The following PRR19 variants were observed in gnomAD, a reference collection of about 807,000 sequenced individuals.
PRR19 encodes proline-rich protein 19.
Under a neutral mutation model 19.2 loss-of-function variants are expected in PRR19, and 9 were observed. The ratio of observed to expected loss-of-function variants is 0.47; its 90% CI spans 0.28 to 0.82. PRR19 has a LOEUF of 0.82. Ranked by LOEUF, PRR19 falls within the 40% of genes least tolerant of loss-of-function variation. The probability of loss-of-function intolerance (pLI) is 0.11; values close to 1 mark genes in which losing one functional copy is unlikely to be tolerated. For synonymous variants in PRR19, 190 were observed against 191.0 expected (o/e 0.99, Z 0.04); for missense variants, 457 against 466.0 (o/e 0.98, Z 0.18).
intron 1 of PRR19, 68 bp downstream of exon 1, chr19:42,302,571 G>T (rs1042678504): frequency 6.4e-5 from 28 of 439,010 alleles, no homozygotes; most frequent in Non-Finnish European, 1.0e-4. Flanking sequence ...GGCGCTTCCC[G>T]CTCGGGCCGC....
chr19:42,309,986 C>G lies in PRR19; in HGVS notation c.402C>G (p.Gly134=). 6.2e-7 allele frequency: 1 copy of G among 1,613,982 alleles called. No individual in the cohort carries two copies. Among genetic ancestry groups the G allele is most frequent in the East Asian group, 2.2e-5 (1 of 44,890 alleles). The change falls in exon 2 of 3, where the codon GGC becomes GGG. Residue 134 remains glycine (G), a synonymous_variant. Transcript: ENST00000341747. ...AGGTGCCTGGAGGTTCGGGCCCAGG[C>G]CCACCCAGTTCCCCAGAGTTGTCTG... is the stretch of plus-strand genomic sequence containing the variant. ...ENQVPGGSGP[G]PPSSPELSGV...
At chr19:42,304,815 G>A (rs1231450814) in intron 1 of PRR19, among the ~76,000 whole-genome samples, 1 of 151,884 alleles carries the variant, frequency 6.6e-6, no homozygotes, top group African/African-American at 2.4e-5. Flanking sequence ...GGCTGAGGCA[G>A]GAGGATAGCT....
At chr19:42,305,890 G>C (rs1337270969) in intron 1 of PRR19, among the ~76,000 whole-genome samples, 1 of 151,868 alleles carries the variant, frequency 6.6e-6, no homozygotes, top group Non-Finnish European at 1.5e-5. Flanking sequence ...ACTTTTTTTT[G>C]AGATGGAGTC....
rs182811574 is a variant in PRR19, at chr19:42,307,415, C to T, written c.-6-2164C>T. On this transcript the variant is annotated intron_variant, in intron 1 of 2. Coordinates refer to ENST00000341747, the MANE Select transcript of PRR19 (RefSeq NM_199285.3). ...TCCAATCTCATGACCCCTTCACCACCCTCCATCTTTTGTTGTTGTTGTTGT... is the reference window on the plus strand; with the variant it reads ...TCCAATCTCATGACCCCTTCACCACTCTCCATCTTTTGTTGTTGTTGTTGT... 5.6e-4 allele frequency among the ~76,000 whole-genome samples: 85 copies of T among 151,250 alleles called. 1 individual carries two copies. The highest frequency in any genetic ancestry group is 2.0e-3 in the African/African-American group (81 of 41,042).
intron 1 of PRR19, chr19:42,303,443 A>G (rs767330233): frequency 4.6e-5 from 7 of 151,902 alleles, no homozygotes; most frequent in African/African-American, 4.8e-5. Context: ...CTCTCCCCCA[A>G]CGCTGCCCCA....
intron 1 of PRR19, among the ~76,000 whole-genome samples, chr19:42,304,398 C>T (rs1437455523): frequency 1.4e-5 from 2 of 144,044 alleles, no homozygotes; most frequent in Admixed American, 7.0e-5. Flanking sequence ...GTGCGAGGAT[C>T]GCTTGAACCC....
Position 42,310,691 on chromosome 19 carries a change from C to T in PRR19, c.1022C>T (p.Ala341Val). The T allele has an allele frequency of 6.3e-7, 1 of 1,595,646 alleles. No individual in the cohort carries two copies. Among genetic ancestry groups the T allele is most frequent in the African/African-American group, 1.3e-5 (1 of 74,682 alleles). ...CTGCCCAGCCTCTCCTGGGTAGTAGCCCAGAGCAGTCCGGAAGCCTGGTCT... is the reference window on the plus strand; with the variant it reads ...CTGCCCAGCCTCTCCTGGGTAGTAGTCCAGAGCAGTCCGGAAGCCTGGTCT... ...SPLPSLSWVVAQSSPEAWSFP... is the reference protein window; with the variant it reads ...SPLPSLSWVVVQSSPEAWSFP... The change falls in exon 3 of 3, where the codon GCC (alanine) becomes GTC (valine). Residue 341 changes from alanine to valine, a missense_variant. Coordinates refer to ENST00000341747, the MANE Select transcript of PRR19 (RefSeq NM_199285.3).
Position 42,310,561 on chromosome 19 carries a change from C to A in PRR19, c.892C>A (p.Pro298Thr), listed in dbSNP as rs1294065307. ...SIWLVATPPP[P>T]RPWGVGLPQP... ...CTGGCTGGTAGCCACGCCACCCCCT[C>A]CTCGGCCCTGGGGGGTTGGCCTCCC... Residue 298 changes from proline (P) to threonine (T), a missense_variant, in exon 3 of 3, where the codon CCT becomes ACT. Transcript: ENST00000341747. 3.7e-6 allele frequency: 6 copies of A among 1,614,182 alleles called. No homozygotes were observed. The highest frequency in any genetic ancestry group is 5.1e-6 in the Non-Finnish European group (6 of 1,180,032).
intron 1 of PRR19, among the ~76,000 whole-genome samples, chr19:42,302,936 G>A (rs1437098563): frequency 6.6e-6 from 1 of 151,498 alleles, no homozygotes; most frequent in Non-Finnish European, 1.5e-5. Context: ...CTACTGATGT[G>A]GGGGACAGAA....
At chr19:42,305,664 G>C (rs1462689429) in intron 1 of PRR19, among the ~76,000 whole-genome samples, 3 of 152,128 alleles carry the variant, frequency 2.0e-5, no homozygotes, top group Non-Finnish European at 4.4e-5. Context: ...AAGCTTCCAG[G>C]CATTCTTCAT....
At chr19:42,309,480 A>G in intron 1 of PRR19, 99 bp from the exon 2 acceptor site, 1 of 889,426 alleles carries the variant, frequency 1.1e-6, no homozygotes, top group Non-Finnish European at 1.7e-6. Flanking sequence ...CAGTGTTGGT[A>G]TTACAGGCAT....
rs2038776213 is a variant in PRR19, at chr19:42,310,312, T to C, written c.643T>C (p.Trp215Arg). 6.2e-7 allele frequency: 1 copy of C among 1,614,108 alleles called. No homozygotes were observed. The highest frequency in any genetic ancestry group is 8.5e-7 in the Non-Finnish European group (1 of 1,180,002). ...GVSERKMTPF[W>R]INSPDQVPEQ... ...CTCTGAGAGAAAGATGACACCCTTC[T>C]GGATTAATAGCCCTGATCAAGTCCC... The change falls in exon 3 of 3, where the codon TGG becomes CGG. Residue 215 changes from tryptophan (W) to arginine (R), a missense_variant. Coordinates refer to ENST00000341747, the MANE Select transcript of PRR19 (RefSeq NM_199285.3).
Position 42,302,448 on chromosome 19 carries a change from G to A in PRR19, c.-62G>A, listed in dbSNP as rs550086183. On this transcript the variant is annotated 5_prime_UTR_variant, in exon 1 of 3. Transcript: ENST00000341747. ...CAACGCTAGCACACCCGCGGAGGAC[G>A]AAGGCCGATACAGGGCGCCGCCTCC... 3 of 727,836 alleles carry A rather than the reference G, an allele frequency of 4.1e-6. No individual in the cohort carries two copies. The highest frequency in any genetic ancestry group is 2.2e-6 in the Non-Finnish European group (1 of 451,744). The allele number at this position is 727,836 out of a possible 1,614,324, so 45.1% of individuals were successfully genotyped here. A position where few individuals can be genotyped will look rare whatever the true frequency, so the allele number is the denominator to read the frequency against.
intron 1 of PRR19, among the ~76,000 whole-genome samples, chr19:42,307,903 G>A (rs2038731966): frequency 6.6e-6 from 1 of 151,544 alleles, no homozygotes; most frequent in African/African-American, 2.4e-5. Flanking sequence ...GACTACAGGC[G>A]CCCGCCACCG....
rs779307269 is a variant in PRR19, at chr19:42,309,681, C to G, written c.97C>G (p.Leu33Val). 1.2e-6 allele frequency: 2 copies of G among 1,602,214 alleles called. No homozygotes were observed. The highest frequency in any genetic ancestry group is 2.2e-5 in the South Asian group (2 of 90,228). The change falls in exon 2 of 3, where the codon CTG (leucine) becomes GTG (valine). Residue 33 changes from leucine (L) to valine (V), a missense_variant. Transcript: ENST00000341747. ...RKTRRERNKA[L>V]VGSRRPLAHH... ...GACTAGGCGGGAACGTAACAAGGCCCTGGTGGGCAGCCGCCGGCCATTAGC... is the reference window on the plus strand; with the variant it reads ...GACTAGGCGGGAACGTAACAAGGCCGTGGTGGGCAGCCGCCGGCCATTAGC...
chr19:42,304,619 A>G (rs542455531), intron 1 of PRR19, among the ~76,000 whole-genome samples: 1 of 150,844 alleles, frequency 6.6e-6, no homozygotes, highest in East Asian at 2.0e-4. Flanking sequence ...GCGTGGTGGC[A>G]GGCGCCTGTT....
At chr19:42,308,845 G>T (rs1333563201) in intron 1 of PRR19, 3 of 152,214 alleles carry the variant, frequency 2.0e-5, no homozygotes, top group Non-Finnish European at 2.9e-5. Flanking sequence ...CACCATGCCT[G>T]GCCTCATCTG....
rs2038694038 is a variant in PRR19, at chr19:42,305,098, A to C, written c.-7+2595A>C. ...GTGGTCTGCGCCTGTAGTCCCAGCT[A>C]CCTGGGAGGCTGAGGCAGGAGAATC... On this transcript the variant is annotated intron_variant, in intron 1 of 2. Transcript: ENST00000341747. 2.0e-5 allele frequency among the ~76,000 whole-genome samples: 3 copies of C among 151,526 alleles called. No homozygotes were observed. In the South Asian group the frequency reaches 6.3e-4, roughly 32 times the overall value.
At chr19:42,305,339 C>G (rs956001500) in intron 1 of PRR19, among the ~76,000 whole-genome samples, 1 of 150,718 alleles carries the variant, frequency 6.6e-6, no homozygotes, top group Non-Finnish European at 1.5e-5. Flanking sequence ...ACTGCAATGG[C>G]GCGATCTCGG....
Sources: allele counts gnomAD v4.1 joint callset (sites outside exome capture counted in the v4.1 genomes callset), GRCh38; gene constraint gnomAD v4.1.1; transcripts MANE v1.5; gene names NCBI Gene and HGNC (gene_info 2026-07-23, HGNC 2026-07-21).